MTMR9: variants seen among roughly 807,000 people sequenced by gnomAD.
MTMR9 encodes myotubularin-related protein 9.
In MTMR9, 39 loss-of-function variants were observed where a neutral mutation model predicts 69.5. That is an observed-to-expected ratio of 0.56 (90% CI 0.43 to 0.73). MTMR9 has a LOEUF of 0.73. MTMR9 is among the 30% of genes least tolerant of loss of function. The pLI is 0.00. For missense variants in MTMR9, 900 were observed against 671.2 expected (o/e 1.34, Z -3.77); for synonymous variants, 354 against 240.8 (o/e 1.47, Z -4.35).
downstream of MTMR9, chr8:11,331,020 C>T (rs1227406170): frequency 1.3e-5 from 19 of 1,507,450 alleles, no homozygotes; most frequent in Admixed American, 1.7e-4. Context: ...AAGAACCCCA[C>T]CCGCACTCCA....
chr8:11,338,378 C>T, the MTMR9 span, among the ~76,000 whole-genome samples: 1 of 152,154 alleles, frequency 6.6e-6, no homozygotes, highest in Non-Finnish European at 1.5e-5. Context: ...TGTTGGGAAG[C>T]TCAGTGGTGG....
At chr8:11,333,729 C>T in the MTMR9 span, among the ~76,000 whole-genome samples, 1 of 152,104 alleles carries the variant, frequency 6.6e-6, no homozygotes, top group African/African-American at 2.4e-5. Flanking sequence ...GTAGATTTGC[C>T]ATACAAGAAA....
In MTMR9 at chr8:11,306,384, G is replaced by A. The variant is rs777398530; in HGVS notation, c.786G>A (p.Arg262=). ...FEQEAHYPQW[R]RIHKSIERYH... ...AAGAAGCTCATTATCCTCAGTGGAG[G>A]CGAATTCATAAGTCCATTGAGAGGT... Residue 262 remains arginine (R), a synonymous_variant, in exon 5 of 10, where the codon AGG becomes AGA. Coordinates refer to ENST00000221086, the MANE Select transcript of MTMR9 (RefSeq NM_015458.4). 6.2e-7 allele frequency: 1 copy of A among 1,613,996 alleles called. No homozygotes were observed. The highest frequency in any genetic ancestry group is 8.5e-7 in the Non-Finnish European group (1 of 1,179,906).
At chr8:11,333,052 T>C (rs1208648520), downstream of MTMR9, among the ~76,000 whole-genome samples, 1 of 152,208 alleles carries the variant, frequency 6.6e-6, no homozygotes, top group African/African-American at 2.4e-5. Context: ...GACCAACATA[T>C]GGTTTATGAG....
At chr8:11,287,924 TTA>T (rs1269270480) in intron 1 of MTMR9, among the ~76,000 whole-genome samples, 3 of 128,548 alleles carry the variant, frequency 2.3e-5, no homozygotes, top group East Asian at 2.1e-4. Context: ...GTATTATATA[TTA>T]TATAATATGT....
At position 11,304,842 on chromosome 8, in the gene MTMR9, C is replaced by A; in HGVS notation, c.419C>A (p.Thr140Asn). The change falls in exon 4 of 10, where the codon ACC (threonine) becomes AAC (asparagine). Residue 140 changes from threonine to asparagine, a missense_variant and splice_region_variant. Thr to Asn is a moderately conservative substitution (Grantham distance 65, BLOSUM62 0). Coordinates refer to ENST00000221086, the MANE Select transcript of MTMR9 (RefSeq NM_015458.4). Reference protein sequence around the residue: ...EQEFELYSSATSEWRLSYVNK... With the variant: ...EQEFELYSSANSEWRLSYVNK... ...TTTGAAGTATTTTGTGTTTTTCAGA[C>A]CAGTGAATGGAGGCTAAGCTATGTC... 6.2e-7 allele frequency: 1 copy of A among 1,613,084 alleles called. No individual in the cohort carries two copies. Among genetic ancestry groups the A allele is most frequent in the Non-Finnish European group, 8.5e-7 (1 of 1,179,562 alleles).
downstream of MTMR9, among the ~76,000 whole-genome samples, chr8:11,330,480 G>C: frequency 6.6e-6 from 1 of 152,236 alleles, no homozygotes; most frequent in Admixed American, 6.5e-5. Context: ...ATAGAAAAGG[G>C]GGAAAGGTGG....
chr8:11,285,041 C>G lies in MTMR9; in HGVS notation c.153C>G (p.Leu51=), dbSNP rs754972947. The G allele has an allele frequency of 2.5e-6, 4 of 1,611,092 alleles. No homozygotes were observed. Among genetic ancestry groups the G allele is most frequent in the Non-Finnish European group, 3.4e-6 (4 of 1,178,572 alleles). Residue 51 remains leucine (L), a synonymous_variant, in exon 1 of 10, where the codon CTC becomes CTG. Coordinates refer to ENST00000221086, the MANE Select transcript of MTMR9 (RefSeq NM_015458.4). ...ACAATACGGAGGAGCTGTGGCTCCT[C>G]CATTCAAACATCGACGCCATCGACA... ...RQDNTEELWL[L]HSNIDAIDKR...
At chr8:11,333,201 A>T in the MTMR9 span, among the ~76,000 whole-genome samples, 1 of 152,236 alleles carries the variant, frequency 6.6e-6, no homozygotes, top group Non-Finnish European at 1.5e-5. Context: ...ATTCATACCA[A>T]GACACAGTAT....
At chr8:11,291,841 C>G (rs2117359929) in intron 1 of MTMR9, among the ~76,000 whole-genome samples, 1 of 152,136 alleles carries the variant, frequency 6.6e-6, no homozygotes, top group South Asian at 2.1e-4. Flanking sequence ...TGCTGTGTGT[C>G]TTTCACTTCC....
chr8:11,284,905 T>C lies in MTMR9; in HGVS notation c.17T>C (p.Leu6Pro). The C allele has an allele frequency of 6.2e-7, 1 of 1,606,448 alleles. No homozygotes were observed. Among genetic ancestry groups the C allele is most frequent in the Non-Finnish European group, 8.5e-7 (1 of 1,176,430 alleles). The change falls in exon 1 of 10, where the codon CTG becomes CCG. Residue 6 changes from leucine (L) to proline (P), a missense_variant. Leu to Pro is a moderately conservative substitution (Grantham distance 98, BLOSUM62 -3). Coordinates refer to ENST00000221086, the MANE Select transcript of MTMR9 (RefSeq NM_015458.4). Reference sequence around the variant, plus strand: ...CGGGGGAGCATGGAGTTTGCGGAGCTGATTAAGACCCCGCGGGTGGACAAT... The same window carrying C: ...CGGGGGAGCATGGAGTTTGCGGAGCCGATTAAGACCCCGCGGGTGGACAAT... MEFAE[L>P]IKTPRVDNVV... is the part of the protein sequence containing the mutation.
At chr8:11,331,446 A>G, downstream of MTMR9, 1 of 1,613,938 alleles carries the variant, frequency 6.2e-7, no homozygotes, top group Non-Finnish European at 8.5e-7. Flanking sequence ...CAACGTCCTC[A>G]GCATTGGATG....
downstream of MTMR9, chr8:11,331,265 C>T (rs377570845): frequency 4.4e-5 from 71 of 1,613,818 alleles, 1 homozygote; most frequent in South Asian, 2.3e-4. Flanking sequence ...CTGCTGGCTT[C>T]GTGGGCCCCC....
At chr8:11,334,978 CAT>C in the MTMR9 span, among the ~76,000 whole-genome samples, 26 of 152,218 alleles carry the variant, frequency 1.7e-4, no homozygotes, top group African/African-American at 6.0e-4. Flanking sequence ...CTGCAGCTAA[CAT>C]ACTTAATGTT....
intron 1 of MTMR9, among the ~76,000 whole-genome samples, chr8:11,292,441 G>GT (rs1387412429): frequency 3.9e-5 from 6 of 152,156 alleles, no homozygotes; most frequent in South Asian, 2.1e-4. Flanking sequence ...TGTACCTACA[G>GT]TTCTACATAC....
At chr8:11,330,591 G>T (rs1322809790), downstream of MTMR9, among the ~76,000 whole-genome samples, 1 of 152,214 alleles carries the variant, frequency 6.6e-6, no homozygotes, top group Admixed American at 6.5e-5. Context: ...CTTCTGCCTT[G>T]GGATACTGTT....
downstream of MTMR9, chr8:11,331,738 G>A (rs139573688): frequency 2.2e-4 from 352 of 1,611,898 alleles, no homozygotes; most frequent in African/African-American, 1.0e-3. Flanking sequence ...CTGGTCTATC[G>A]TTCTCTGCAC....
intron 9 of MTMR9, 30 bp downstream of exon 9, chr8:11,319,868 AACGGTC>A: frequency 6.2e-7 from 1 of 1,612,244 alleles, no homozygotes; most frequent in South Asian, 1.1e-5. Flanking sequence ...CAAACTTCTT[AACGGTC>A]AGGTGTGCAT....
rs112244742 is a variant in MTMR9, at chr8:11,306,180, A to G, written c.592-10A>G. 4 of 1,611,136 alleles carry G rather than the reference A, an allele frequency of 2.5e-6. No individual in the cohort carries two copies. Among genetic ancestry groups the G allele is most frequent in the African/African-American group, 2.7e-5 (2 of 74,844 alleles). ...CTGCTGTTGAATTTTCAGCTTTATT[A>G]TGCTTCTAGGTAATTATGCGAAGTG... On this transcript the variant is annotated splice_polypyrimidine_tract_variant and intron_variant, in intron 4 of 9. Coordinates refer to ENST00000221086, the MANE Select transcript of MTMR9 (RefSeq NM_015458.4).
Sources: allele counts gnomAD v4.1 joint callset (sites outside exome capture counted in the v4.1 genomes callset), GRCh38; gene constraint gnomAD v4.1.1; transcripts MANE v1.5; gene names NCBI Gene and HGNC (gene_info 2026-07-23, HGNC 2026-07-21).